The following SLC23A2 variants were observed in gnomAD, a reference collection of about 807,000 sequenced individuals.
SLC23A2 encodes Na(+)/L-ascorbic acid transporter 2.
SLC23A2 carries 36 observed loss-of-function variants against 73.3 expected under a neutral mutation model. The observed-to-expected ratio is 0.49, with a 90% CI of 0.38 to 0.65. SLC23A2 has a LOEUF of 0.65. Ranked by LOEUF, SLC23A2 falls within the 30% of genes least tolerant of loss-of-function variation. SLC23A2 has a pLI of 0.00. For synonymous variants in SLC23A2, 343 were observed against 327.3 expected (o/e 1.05, Z -0.52); for missense variants, 507 against 841.6 (o/e 0.60, Z 4.92).
At chr20:4,871,567 T>C (rs748783173) in intron 11 of SLC23A2, among the ~76,000 whole-genome samples, 3 of 152,046 alleles carry the variant, frequency 2.0e-5, no homozygotes, top group African/African-American at 2.4e-5. Context: ...ACCACTGGAT[T>C]GGGAAGAGAA....
chr20:4,977,606 G>C (rs1252428712), intron 1 of SLC23A2, among the ~76,000 whole-genome samples: 2 of 151,290 alleles, frequency 1.3e-5, no homozygotes, highest in Admixed American at 6.6e-5. Flanking sequence ...GCTGAGGCAG[G>C]AGAATCACCT....
In SLC23A2 at chr20:4,955,817, C is replaced by G. The variant is rs534679381; in HGVS notation, c.-155+14976G>C. Among the ~76,000 whole-genome samples, 20 of 151,464 alleles carry G rather than the reference C, an allele frequency of 1.3e-4. No individual in the cohort carries two copies. The South Asian group carries it at 4.0e-3, about 30-fold the overall frequency. On this transcript the variant is annotated intron_variant, in intron 2 of 16. Transcript: ENST00000338244. ...AATAATTTTTTTTTTTAAAAAAGTA[C>G]TGTATATATACATGTGCGATTGAGC...
rs1929740670 is a variant in SLC23A2 at position 4,857,070 on chromosome 20, A to C, written c.1855T>G (p.Leu619Val). Reference protein sequence around the residue: ...IIKKYRCFSYLPISPTFVGYT... With the variant: ...IIKKYRCFSYVPISPTFVGYT... ...CCCACAAAGGTTGGGCTGATGGGTA[A>C]GTAGCTGAAGCATCTGTATTTTTTT... The change falls in exon 17 of 17, where the codon TTA (leucine) becomes GTA (valine). Residue 619 changes from leucine to valine, a missense_variant. By Grantham distance (32) the Leu-to-Val change is conservative. Coordinates refer to ENST00000338244, the MANE Select transcript of SLC23A2 (RefSeq NM_005116.6). This position sits in a 1 kb window ranked among gnomAD's most constrained non-coding sequence, Gnocchi z 4.0. 6.2e-7 allele frequency: 1 copy of C among 1,614,124 alleles called. No homozygotes were observed. Among genetic ancestry groups the C allele is most frequent in the Non-Finnish European group, 8.5e-7 (1 of 1,179,952 alleles).
At chr20:5,005,152 GACA>G (rs1385019081), upstream of SLC23A2, among the ~76,000 whole-genome samples, 1 of 149,642 alleles carries the variant, frequency 6.7e-6, no homozygotes, top group East Asian at 2.0e-4. Context: ...TTTTACTGCT[GACA>G]AACTGGCTTT....
At chr20:4,962,854 G>A (rs562347387) in intron 2 of SLC23A2, among the ~76,000 whole-genome samples, 7 of 152,172 alleles carry the variant, frequency 4.6e-5, no homozygotes, top group African/African-American at 7.2e-5. Flanking sequence ...AAAATTAGCC[G>A]GGTGTGGTGG....
chr20:4,941,755 TATC>T (rs2087045859), intron 2 of SLC23A2, among the ~76,000 whole-genome samples: 2 of 150,776 alleles, frequency 1.3e-5, no homozygotes, highest in South Asian at 2.1e-4. Flanking sequence ...TAAATGTTCT[TATC>T]ATAATAAAAA....
At chr20:4,997,973 T>A (rs1236635998) in intron 1 of SLC23A2, among the ~76,000 whole-genome samples, 1 of 152,076 alleles carries the variant, frequency 6.6e-6, no homozygotes, top group Non-Finnish European at 1.5e-5. Flanking sequence ...ATCAAGAGGA[T>A]GGCCACCTAC....
At chr20:4,910,351 T>C (rs1932096163) in intron 4 of SLC23A2, among the ~76,000 whole-genome samples, 1 of 146,290 alleles carries the variant, frequency 6.8e-6, no homozygotes, top group Admixed American at 6.9e-5. Flanking sequence ...CACTTCAGCC[T>C]GGGTGACAGA....
At chr20:4,978,993 C>T (rs977313565) in intron 1 of SLC23A2, among the ~76,000 whole-genome samples, 2 of 152,038 alleles carry the variant, frequency 1.3e-5, no homozygotes, top group African/African-American at 4.8e-5. Flanking sequence ...GAAATTAATG[C>T]AAAGGACCAG....
chr20:4,923,309 T>C (rs1168271780), intron 3 of SLC23A2, among the ~76,000 whole-genome samples: 1 of 152,068 alleles, frequency 6.6e-6, no homozygotes, highest in East Asian at 1.9e-4. Flanking sequence ...CATCTTACCA[T>C]GCACAAAAAT....
chr20:4,932,548 A>C lies in SLC23A2; in HGVS notation c.15T>G (p.Gly5=), dbSNP rs1932801305. The C allele has an allele frequency of 1.3e-6, 2 of 1,578,220 alleles. No individual in the cohort carries two copies. The highest frequency in any genetic ancestry group is 2.7e-5 in the African/African-American group (2 of 74,296). MMGI[G]KNTTSKSMEA... ...CCATTGATTTGGATGTGGTATTCTT[A>C]CCAATACCCATCATTAAGAGAAACG... The change falls in exon 3 of 17, where the codon GGT becomes GGG. Residue 5 remains glycine, a synonymous_variant. Transcript: ENST00000338244.
At chr20:5,008,279 A>G (rs1435758127) in intron 1 of SLC23A2, among the ~76,000 whole-genome samples, 3 of 152,184 alleles carry the variant, frequency 2.0e-5, no homozygotes, top group Non-Finnish European at 4.4e-5. Context: ...AGCCTGGGCA[A>G]CAGAGTGAGA....
intron 2 of SLC23A2, among the ~76,000 whole-genome samples, chr20:4,960,599 G>A (rs930026703): frequency 2.6e-5 from 4 of 152,158 alleles, no homozygotes; most frequent in African/African-American, 7.2e-5. Flanking sequence ...TGTAGCGCAC[G>A]CGCACACGCA....
At chr20:4,890,339 T>G (rs1931283199) in intron 6 of SLC23A2, among the ~76,000 whole-genome samples, 1 of 151,980 alleles carries the variant, frequency 6.6e-6, no homozygotes, top group Admixed American at 6.6e-5. Flanking sequence ...CCACTAGGAG[T>G]GTGTGTACCA....
At position 4,932,585 on chromosome 20, in the gene SLC23A2, C is replaced by G. The variant is rs1932801804; in HGVS notation, c.-23G>C. On this transcript the variant is annotated 5_prime_UTR_variant, in exon 3 of 17. Coordinates refer to ENST00000338244, the MANE Select transcript of SLC23A2 (RefSeq NM_005116.6). ...CATTAAGAGAAACGAGTAGTTTACA[C>G]AGCCGTTGGGGAGAGCAGCTGGAAG... The G allele has an allele frequency of 7.7e-7, 1 of 1,295,552 alleles. No individual in the cohort carries two copies. Among genetic ancestry groups the G allele is most frequent in the Non-Finnish European group, 1.1e-6 (1 of 888,996 alleles). 80.3% of individuals were successfully genotyped at this position (1,295,552 alleles called of 1,614,324 possible).
intron 2 of SLC23A2, among the ~76,000 whole-genome samples, chr20:4,946,923 G>A (rs1307620430): frequency 1.3e-5 from 2 of 152,128 alleles, no homozygotes; most frequent in South Asian, 2.1e-4. Context: ...ATGCTACAGC[G>A]CCTACTGTAC....
intron 2 of SLC23A2, among the ~76,000 whole-genome samples, chr20:4,951,640 C>T (rs1366653884): frequency 2.0e-5 from 3 of 152,046 alleles, no homozygotes; most frequent in Non-Finnish European, 2.9e-5. Context: ...ATGGGAGTGA[C>T]TATTCATGGG....
chr20:4,918,984 T>G (rs1932415823), intron 3 of SLC23A2, among the ~76,000 whole-genome samples: 1 of 152,216 alleles, frequency 6.6e-6, no homozygotes, highest in African/African-American at 2.4e-5. Context: ...AAAATGTGTT[T>G]TGAATACAGA....
rs186778700 is a variant in SLC23A2, at chr20:4,856,418, C to T, written c.*554G>A. 4.0e-3 allele frequency: 612 copies of T among 153,262 alleles called. 4 individuals are homozygous for T. Among genetic ancestry groups the T allele is most frequent in the African/African-American group, 0.014 (583 of 41,554 alleles). 9.5% of individuals were successfully genotyped at this position (153,262 alleles called of 1,614,324 possible). A position where few individuals can be genotyped will look rare whatever the true frequency, so the allele number is the denominator to read the frequency against. ...GCCAGATCTGGGCACAGGGGAGCCA[C>T]GCCACTGTTTTCAGGTCAACAGCCT... On this transcript the variant is annotated 3_prime_UTR_variant, in exon 17 of 17. Coordinates refer to ENST00000338244, the MANE Select transcript of SLC23A2 (RefSeq NM_005116.6). The surrounding 1 kb of genome is among the most constrained non-coding windows in gnomAD (Gnocchi z 4.6).
Sources: allele counts gnomAD v4.1 joint callset (sites outside exome capture counted in the v4.1 genomes callset), GRCh38; gene constraint gnomAD v4.1.1; non-coding constraint Gnocchi (gnomAD v3.1); transcripts MANE v1.5; gene names NCBI Gene and HGNC (gene_info 2026-07-23, HGNC 2026-07-21).